Variants in ASTN2 observed in about 807,000 individuals in gnomAD.
The protein encoded by ASTN2 is astrotactin 2, also known as astrotactin-2.
ASTN2 carries 54 observed loss-of-function variants against 139.8 expected under a neutral mutation model. The ratio of observed to expected loss-of-function variants is 0.39; its 90% CI spans 0.31 to 0.48. The LOEUF (loss-of-function observed/expected upper bound fraction) is 0.48. Among genes scored for constraint, ASTN2 ranks in the 20% least tolerant of loss-of-function variants. ASTN2 has a pLI of 0.95. For synonymous variants in ASTN2, 756 were observed against 719.5 expected, an observed-to-expected ratio of 1.05 and a Z score of -0.81; for missense variants, 1,565 against 1,725.1, an observed-to-expected ratio of 0.91 and a Z score of 1.64.
chr9:117,291,910 G>A (rs1301946293), intron 1 of ASTN2, among the ~76,000 whole-genome samples: 2 of 152,148 alleles, frequency 1.3e-5, no homozygotes, highest in East Asian at 3.9e-4. Flanking sequence ...TTGAGAGTGT[G>A]GATTCTTTAG....
chr9:116,444,827 C>T (rs1165554786), intron 20 of ASTN2, among the ~76,000 whole-genome samples: 1 of 152,150 alleles, frequency 6.6e-6, no homozygotes, highest in Admixed American at 6.5e-5. Context: ...CTGCCACCCA[C>T]CTCACAAGTG....
chr9:116,658,456 G>A (rs900337252), intron 16 of ASTN2, among the ~76,000 whole-genome samples: 7 of 152,154 alleles, frequency 4.6e-5, no homozygotes, highest in Non-Finnish European at 7.4e-5. Context: ...CTACCCAAGA[G>A]GAATCTAACA....
At chr9:117,166,219 G>C (rs1022150233) in intron 3 of ASTN2, among the ~76,000 whole-genome samples, 2 of 151,958 alleles carry the variant, frequency 1.3e-5, no homozygotes, top group African/African-American at 2.4e-5. Flanking sequence ...CAGTGGAAGG[G>C]AAAAAGAGAC....
chr9:117,369,417 C>T (rs556409824), intron 1 of ASTN2, among the ~76,000 whole-genome samples: 5 of 152,158 alleles, frequency 3.3e-5, no homozygotes, highest in South Asian at 2.1e-4. Flanking sequence ...CTACTCTTTA[C>T]GATAACCCTG....
At chr9:117,235,573 C>G (rs560409961) in intron 2 of ASTN2, among the ~76,000 whole-genome samples, 1 of 152,286 alleles carries the variant, frequency 6.6e-6, no homozygotes, top group Admixed American at 6.5e-5. Flanking sequence ...TAAACTACTA[C>G]TACAACAAAA....
chr9:116,617,769 G>A (rs1021378585), intron 19 of ASTN2, among the ~76,000 whole-genome samples: 1 of 152,210 alleles, frequency 6.6e-6, no homozygotes. Flanking sequence ...ACAGGTGAAC[G>A]CTTTGCTTCT....
At chr9:116,970,590 T>C (rs543327181) in intron 10 of ASTN2, among the ~76,000 whole-genome samples, 1 of 152,332 alleles carries the variant, frequency 6.6e-6, no homozygotes, top group South Asian at 2.1e-4. Context: ...CTTATTTTTA[T>C]ATCTCTATTA....
chr9:117,348,650 T>C (rs1231527503), intron 1 of ASTN2, among the ~76,000 whole-genome samples: 1 of 152,144 alleles, frequency 6.6e-6, no homozygotes, highest in East Asian at 1.9e-4. Flanking sequence ...TACAGCCTTA[T>C]TCTTGACCAG....
Position 116,683,021 on chromosome 9 carries a change from T to TACA in ASTN2, c.2807-31229_2807-31228insTGT, listed in dbSNP as rs1350013833. Among the ~76,000 whole-genome samples the TACA allele has an allele frequency of 6.0e-3, 572 of 95,362 alleles. 9 individuals are homozygous for TACA. In the Admixed American group the frequency reaches 0.068, roughly 11 times the overall value. The allele number at this position is 95,362 out of a possible 152,430, so 62.6% of individuals were successfully genotyped here. The stretch of plus-strand genomic sequence containing the variant: ...TGCACATGTACCCTAAAACTTAAAG[T>TACA]ATAATAATAATAAAATAAAATAAAA... On this transcript the variant is annotated intron_variant, in intron 16 of 22. Transcript: ENST00000313400.
At chr9:117,082,383 C>T (rs1828450986) in intron 5 of ASTN2, among the ~76,000 whole-genome samples, 1 of 152,130 alleles carries the variant, frequency 6.6e-6, no homozygotes, top group Non-Finnish European at 1.5e-5. Flanking sequence ...TAACATGTTC[C>T]TGTATCTAAA....
chr9:117,337,734 T>C (rs1246038941), intron 1 of ASTN2, among the ~76,000 whole-genome samples: 2 of 152,144 alleles, frequency 1.3e-5, no homozygotes, highest in Non-Finnish European at 2.9e-5. Context: ...AATAACCAAC[T>C]AGTAGACACT....
intron 9 of ASTN2, among the ~76,000 whole-genome samples, chr9:116,975,704 A>C (rs1836324132): frequency 6.6e-6 from 1 of 152,200 alleles, no homozygotes; most frequent in African/African-American, 2.4e-5. Context: ...AAAGGTTAAG[A>C]GCACGGACTT....
chr9:116,876,578 C>A (rs1469453392), intron 10 of ASTN2, among the ~76,000 whole-genome samples: 3 of 152,150 alleles, frequency 2.0e-5, no homozygotes, highest in Non-Finnish European at 4.4e-5. Flanking sequence ...TCAGTTGTTA[C>A]AACAAACTTC....
intron 16 of ASTN2, among the ~76,000 whole-genome samples, chr9:116,711,301 G>C (rs1312557869): frequency 6.6e-6 from 1 of 152,122 alleles, no homozygotes; most frequent in Non-Finnish European, 1.5e-5. Flanking sequence ...ACAAGTAAAA[G>C]CTGCCTAAAA....
At chr9:117,064,254 G>T (rs918049196) in intron 5 of ASTN2, among the ~76,000 whole-genome samples, 1 of 152,094 alleles carries the variant, frequency 6.6e-6, no homozygotes, top group Non-Finnish European at 1.5e-5. Context: ...CCGCTGGGAT[G>T]GCCAGTGCTT....
At chr9:117,050,858 C>T (rs1838894902) in intron 5 of ASTN2, among the ~76,000 whole-genome samples, 1 of 152,062 alleles carries the variant, frequency 6.6e-6, no homozygotes, top group African/African-American at 2.4e-5. Flanking sequence ...CCTGATGGCC[C>T]ACAAACCCCC....
intron 3 of ASTN2, among the ~76,000 whole-genome samples, chr9:117,209,885 A>T (rs1228454819): frequency 6.6e-6 from 1 of 152,186 alleles, no homozygotes; most frequent in East Asian, 1.9e-4. Flanking sequence ...ATAAAACTAG[A>T]TATCAATGAC....
chr9:116,682,472 T>A (rs1028934761), intron 16 of ASTN2, among the ~76,000 whole-genome samples: 18 of 152,280 alleles, frequency 1.2e-4, no homozygotes, highest in African/African-American at 3.6e-4. Context: ...GTGTGGCAAT[T>A]CCTCAGGGAT....
At chr9:116,886,115 T>C (rs1833590378) in intron 10 of ASTN2, among the ~76,000 whole-genome samples, 2 of 152,206 alleles carry the variant, frequency 1.3e-5, no homozygotes, top group South Asian at 4.1e-4. Flanking sequence ...CAAAAAAGCC[T>C]AGTGCTGGCC....
Sources: allele counts gnomAD v4.1 joint callset (sites outside exome capture counted in the v4.1 genomes callset), GRCh38; gene constraint gnomAD v4.1.1; transcripts MANE v1.5; gene names NCBI Gene and HGNC (gene_info 2026-07-23, HGNC 2026-07-21).